The following BCAS4 variants were observed in gnomAD, a reference collection of about 807,000 sequenced individuals.
The protein encoded by BCAS4 is breast carcinoma amplified sequence 4, also known as breast carcinoma-amplified sequence 4.
Under a neutral mutation model 15.7 loss-of-function variants are expected in BCAS4, and 9 were observed. The ratio of observed to expected loss-of-function variants is 0.57; its 90% CI spans 0.34 to 1.00. The LOEUF is 1.00. BCAS4 is among the 50% of genes least tolerant of loss of function. The pLI is 0.02. For missense variants in BCAS4, 225 were observed against 239.1 expected, an observed-to-expected ratio of 0.94 and a Z score of 0.39; for synonymous variants, 101 against 99.5, an observed-to-expected ratio of 1.02 and a Z score of -0.09.
intron 4 of BCAS4, among the ~76,000 whole-genome samples, chr20:50,858,328 A>G (rs1325075785): frequency 1.3e-5 from 2 of 152,188 alleles, no homozygotes; most frequent in South Asian, 2.1e-4. Context: ...CTGGACGGGC[A>G]TGGTGGCTCA....
chr20:50,846,133 A>C (rs2088540968), intron 4 of BCAS4, among the ~76,000 whole-genome samples: 2 of 152,262 alleles, frequency 1.3e-5, no homozygotes, highest in Non-Finnish European at 1.5e-5. Context: ...ACGCATGACC[A>C]TGCTACAACA....
At chr20:50,824,944 A>G (rs2088262061) in intron 2 of BCAS4, among the ~76,000 whole-genome samples, 3 of 152,164 alleles carry the variant, frequency 2.0e-5, no homozygotes, top group South Asian at 2.1e-4. Flanking sequence ...TTGGGCTGAC[A>G]CTGCCTTTGC....
At chr20:50,824,907 T>TA (rs2088261104) in intron 2 of BCAS4, among the ~76,000 whole-genome samples, 1 of 152,234 alleles carries the variant, frequency 6.6e-6, no homozygotes, top group African/African-American at 2.4e-5. Flanking sequence ...GGTTTGGTTT[T>TA]ACTTTTTTTG....
intron 1 of BCAS4, among the ~76,000 whole-genome samples, chr20:50,807,757 C>T (rs958903271): frequency 6.6e-6 from 1 of 152,136 alleles, no homozygotes; most frequent in Non-Finnish European, 1.5e-5. Context: ...TGAGAACATA[C>T]GATGTTTGGT....
chr20:50,840,487 A>G (rs889579354), intron 3 of BCAS4: 6 of 1,102,960 alleles, frequency 5.4e-6, no homozygotes, highest in African/African-American at 4.6e-5. Flanking sequence ...TTGATGTGAA[A>G]GGGGCAGCAC....
chr20:50,812,381 C>T (rs575999904), intron 1 of BCAS4, among the ~76,000 whole-genome samples: 1 of 151,304 alleles, frequency 6.6e-6, no homozygotes, highest in Non-Finnish European at 1.5e-5. Flanking sequence ...GATCCGCCCC[C>T]CCTTGGCCTC....
chr20:50,853,914 C>T (rs569069281), intron 4 of BCAS4, among the ~76,000 whole-genome samples: 10 of 152,120 alleles, frequency 6.6e-5, no homozygotes, highest in Admixed American at 5.9e-4. Context: ...TCTCTAGCCT[C>T]ACTCGCTAGA....
chr20:50,812,015 T>G (rs1350780375), intron 1 of BCAS4, among the ~76,000 whole-genome samples: 1 of 152,264 alleles, frequency 6.6e-6, no homozygotes, highest in East Asian at 1.9e-4. Context: ...TCATCCATGT[T>G]GTAGTGTGTG....
intron 3 of BCAS4, among the ~76,000 whole-genome samples, chr20:50,835,849 G>A (rs922560311): frequency 6.6e-6 from 1 of 152,138 alleles, no homozygotes; most frequent in Non-Finnish European, 1.5e-5. Context: ...TAAAAGGGGG[G>A]AGTCCTAAGT....
intron 3 of BCAS4, chr20:50,840,389 C>G: frequency 1.6e-6 from 1 of 606,218 alleles, no homozygotes; most frequent in Non-Finnish European, 3.0e-6. Flanking sequence ...CCCACTTCTT[C>G]CTTCACCAAC....
At chr20:50,834,023 T>A (rs1476945562) in intron 3 of BCAS4, among the ~76,000 whole-genome samples, 2 of 152,060 alleles carry the variant, frequency 1.3e-5, no homozygotes, top group African/African-American at 4.8e-5. Context: ...AAAAGGCAGC[T>A]TCTCAGGCAC....
At chr20:50,882,397 T>C in the BCAS4 span, 2 of 151,908 alleles carry the variant, frequency 1.3e-5, no homozygotes, top group East Asian at 3.8e-4. Flanking sequence ...ACTATAATGT[T>C]GTAAAAATGG....
At chr20:50,810,543 G>A (rs950919273) in intron 1 of BCAS4, among the ~76,000 whole-genome samples, 1 of 151,646 alleles carries the variant, frequency 6.6e-6, no homozygotes, top group Non-Finnish European at 1.5e-5. Context: ...TGGTGGGGAA[G>A]ATGACAGGAA....
At chr20:50,795,342 G>A (rs1463486172) in intron 1 of BCAS4, among the ~76,000 whole-genome samples, 169 bp downstream of exon 1, 1 of 152,156 alleles carries the variant, frequency 6.6e-6, no homozygotes, top group Non-Finnish European at 1.5e-5. Context: ...TGTGCAGCGG[G>A]TCGTCCCTGC....
intron 1 of BCAS4, 35 bp downstream of exon 1, chr20:50,795,208 T>C: frequency 3.7e-6 from 5 of 1,336,700 alleles, no homozygotes; most frequent in Non-Finnish European, 3.9e-6. Context: ...GAGGAGAGGG[T>C]TCTCGCGGTT....
chr20:50,833,006 T>C (rs564642196), intron 3 of BCAS4: 3 of 152,300 alleles, frequency 2.0e-5, no homozygotes, highest in Non-Finnish European at 4.4e-5. Context: ...TCTCCAGGAT[T>C]TGCTTTCATT....
chr20:50,817,851 C>T (rs1205499781), intron 1 of BCAS4, among the ~76,000 whole-genome samples: 5 of 152,038 alleles, frequency 3.3e-5, no homozygotes, highest in East Asian at 1.9e-4. Context: ...ATCCTTGCCC[C>T]GCTGTTTGTT....
intron 4 of BCAS4, among the ~76,000 whole-genome samples, chr20:50,845,980 A>C (rs1375197412): frequency 6.6e-6 from 1 of 152,148 alleles, no homozygotes; most frequent in East Asian, 1.9e-4. Flanking sequence ...TGACCTGTGG[A>C]TACTAGCGAT....
At chr20:50,831,533 C>T (rs1397625449) in intron 3 of BCAS4, among the ~76,000 whole-genome samples, 1 of 152,206 alleles carries the variant, frequency 6.6e-6, no homozygotes, top group African/African-American at 2.4e-5. Flanking sequence ...GCTCACCCAT[C>T]TTTTACTTGC....
Sources: allele counts gnomAD v4.1 joint callset (sites outside exome capture counted in the v4.1 genomes callset), GRCh38; gene constraint gnomAD v4.1.1; transcripts MANE v1.5; gene names NCBI Gene and HGNC (gene_info 2026-07-23, HGNC 2026-07-21).